Variants in TTC13 observed in about 807,000 individuals in gnomAD.
The protein encoded by TTC13 is tetratricopeptide repeat protein 13.
TTC13 carries 62 observed loss-of-function variants against 120.0 expected under a neutral mutation model. The ratio of observed to expected loss-of-function variants is 0.52; its 90% CI spans 0.42 to 0.64. TTC13 has a LOEUF of 0.64. Ranked by LOEUF, TTC13 falls within the 30% of genes least tolerant of loss-of-function variation. TTC13 has a pLI of 0.00. For synonymous variants in TTC13, 384 were observed against 393.5 expected, an observed-to-expected ratio of 0.98 and a Z score of 0.28; for missense variants, 824 against 1,050.2, an observed-to-expected ratio of 0.78 and a Z score of 2.98.
In TTC13 at chr1:230,978,638, G is replaced by C. The variant is rs1678636051; in HGVS notation, c.193C>G (p.Gln65Glu). The change falls in exon 1 of 23, where the codon CAG becomes GAG. Residue 65 changes from glutamine to glutamate, a missense_variant. Gln to Glu is a conservative substitution (Grantham distance 29). Transcript: ENST00000366661. This position sits in a 1 kb window ranked among gnomAD's most constrained non-coding sequence, Gnocchi z 5.6. Reference protein sequence around the residue: ...LKQELQHRQQQEAPAGGGGCS... With the variant: ...LKQELQHRQQEEAPAGGGGCS... ...CCGCCGCCGCCCGCCGGGGCCTCCT[G>C]CTGCTGCCGGTGCTGCAGCTCCTGC... The C allele has an allele frequency of 1.4e-6, 2 of 1,473,100 alleles. No homozygotes were observed. The highest frequency in any genetic ancestry group is 1.8e-6 in the Non-Finnish European group (2 of 1,119,378). The allele number at this position is 1,473,100 out of a possible 1,614,324, so 91.3% of individuals were successfully genotyped here.
In TTC13 at chr1:230,958,305, A is replaced by G. The variant is rs779048242; in HGVS notation, c.367-6T>C. 125 of 166,224 alleles carry G rather than the reference A, an allele frequency of 7.5e-4. No homozygotes were observed. Among genetic ancestry groups the G allele is most frequent in the Middle Eastern group, 3.2e-3 (1 of 308 alleles). 10.3% of individuals were successfully genotyped at this position (166,224 alleles called of 1,614,324 possible). A position where few individuals can be genotyped will look rare whatever the true frequency, so the allele number is the denominator to read the frequency against. ...GCAATAGACTTGGCCTGGCTCTGGG[A>G]AAAAAAAAAAAAAAACCCATACATT... On this transcript the variant is annotated splice_region_variant and splice_polypyrimidine_tract_variant and intron_variant, in intron 2 of 22. Coordinates refer to ENST00000366661, the MANE Select transcript of TTC13 (RefSeq NM_024525.5).
At chr1:230,910,028 TC>T (rs1671347451) in intron 20 of TTC13, among the ~76,000 whole-genome samples, 2 of 152,154 alleles carry the variant, frequency 1.3e-5, no homozygotes. Context: ...GTTGTGCTTT[TC>T]CCAAAACAAA....
chr1:230,908,593 T>C, intron 22 of TTC13, 119 bp downstream of exon 22: 2 of 736,128 alleles, frequency 2.7e-6, no homozygotes, highest in African/African-American at 1.8e-5. Context: ...TTGTATTACA[T>C]ATTAACTTAT....
chr1:230,931,377 T>C lies in TTC13; in HGVS notation c.1221A>G (p.Ala407=), dbSNP rs774684778. ...GATCATTCAGCATAACTTTTGTTTG[T>C]GCTTTTATCCCTTCATAAAACTGTC... is the stretch of plus-strand genomic sequence containing the variant. ...AMGQFYEGIK[A]QTKVMLNDPL... Residue 407 remains alanine (A), a synonymous_variant, in exon 11 of 23, where the codon GCA becomes GCG. Coordinates refer to ENST00000366661, the MANE Select transcript of TTC13 (RefSeq NM_024525.5). 6.2e-7 allele frequency: 1 copy of C among 1,614,240 alleles called. No homozygotes were observed. The highest frequency in any genetic ancestry group is 1.7e-5 in the Admixed American group (1 of 60,032).
intron 4 of TTC13, among the ~76,000 whole-genome samples, chr1:230,946,751 C>T (rs1675039643): frequency 6.6e-6 from 1 of 152,174 alleles, no homozygotes; most frequent in Non-Finnish European, 1.5e-5. Flanking sequence ...AGGGCCTACC[C>T]ATCACAGCCA....
intron 9 of TTC13, among the ~76,000 whole-genome samples, chr1:230,932,613 C>T (rs1673656132): frequency 6.6e-6 from 1 of 152,164 alleles, no homozygotes; most frequent in Non-Finnish European, 1.5e-5. Context: ...TCATACAGCA[C>T]TTTACAAGGT....
rs1392281895 is a variant in TTC13 at position 230,940,955 on chromosome 1, C to T, written c.673-399G>A. Among the ~76,000 whole-genome samples the T allele has an allele frequency of 6.6e-6, 1 of 152,184 alleles. No individual in the cohort carries two copies. The highest frequency in any genetic ancestry group is 1.5e-5 in the Non-Finnish European group (1 of 68,046). ...CCATTAAAATAGACAAATTATCGGACACAGATTAGAGTCTTCCATGGTCTT... is the reference window on the plus strand; with the variant it reads ...CCATTAAAATAGACAAATTATCGGATACAGATTAGAGTCTTCCATGGTCTT... On this transcript the variant is annotated intron_variant, in intron 6 of 22. Transcript: ENST00000366661. This position sits in a 1 kb window ranked among gnomAD's most constrained non-coding sequence, Gnocchi z 4.1.
At chr1:230,928,201 T>C (rs1490287296) in intron 12 of TTC13, among the ~76,000 whole-genome samples, 4 of 152,318 alleles carry the variant, frequency 2.6e-5, no homozygotes, top group East Asian at 1.9e-4. Flanking sequence ...TTTTATTAAA[T>C]ATATAATTAA....
At position 230,911,578 on chromosome 1, in the gene TTC13, T is replaced by C. The variant is rs375683858; in HGVS notation, c.2230-29A>G. The C allele has an allele frequency of 1.4e-5, 20 of 1,424,620 alleles. No homozygotes were observed. The African/African-American group carries it at 2.0e-4, about 14-fold the overall frequency. The allele number at this position is 1,424,620 out of a possible 1,614,324, so 88.2% of individuals were successfully genotyped here. A position where few individuals can be genotyped will look rare whatever the true frequency, so the allele number is the denominator to read the frequency against. On this transcript the variant is annotated intron_variant, in intron 19 of 22. Coordinates refer to ENST00000366661, the MANE Select transcript of TTC13 (RefSeq NM_024525.5). Reference sequence around the variant, plus strand: ...GAAAAAAAAGATACAGACTCATAAATACTATAAAGATTACAAACTAATTTT... The same window carrying C: ...GAAAAAAAAGATACAGACTCATAAACACTATAAAGATTACAAACTAATTTT...
intron 1 of TTC13, among the ~76,000 whole-genome samples, chr1:230,969,587 T>A (rs1677512342): frequency 6.6e-6 from 1 of 152,248 alleles, no homozygotes; most frequent in Non-Finnish European, 1.5e-5. Context: ...AGGTCTTATA[T>A]TTAATTCTAG....
At position 230,963,678 on chromosome 1, in the gene TTC13, A is replaced by G. The variant is rs887691201; in HGVS notation, c.272-2375T>C. Among the ~76,000 whole-genome samples, 17 of 151,452 alleles carry G rather than the reference A, an allele frequency of 1.1e-4. No individual in the cohort carries two copies. The East Asian group carries it at 3.1e-3, about 28-fold the overall frequency. On this transcript the variant is annotated intron_variant, in intron 1 of 22. Transcript: ENST00000366661. ...AATAAATAAATAAATAAATAAAAGAAAAAAGAATGGATGGATTTAGACTGG... is the reference window on the plus strand; with the variant it reads ...AATAAATAAATAAATAAATAAAAGAGAAAAGAATGGATGGATTTAGACTGG...
chr1:230,928,398 T>C (rs1673235093), intron 12 of TTC13, among the ~76,000 whole-genome samples: 1 of 152,224 alleles, frequency 6.6e-6, no homozygotes, highest in South Asian at 2.1e-4. Flanking sequence ...TTTTTGTTGC[T>C]TATATATAGA....
chr1:230,970,582 A>C (rs967517790), intron 1 of TTC13, among the ~76,000 whole-genome samples: 2 of 152,226 alleles, frequency 1.3e-5, no homozygotes, highest in Non-Finnish European at 2.9e-5. Flanking sequence ...GCAGGCCAGT[A>C]GCTGGGGTGG....
intron 2 of TTC13, among the ~76,000 whole-genome samples, chr1:230,959,535 C>A (rs1010219576): frequency 6.6e-6 from 1 of 152,206 alleles, no homozygotes; most frequent in African/African-American, 2.4e-5. Flanking sequence ...GCATGCGCCA[C>A]CACCCCTGCT....
In TTC13 at chr1:230,944,400, A is replaced by G. The variant is rs970976070; in HGVS notation, c.580-502T>C. Among the ~76,000 whole-genome samples the G allele has an allele frequency of 6.6e-6, 1 of 152,216 alleles. No homozygotes were observed. Among genetic ancestry groups the G allele is most frequent in the Admixed American group, 6.5e-5 (1 of 15,278 alleles). On this transcript the variant is annotated intron_variant, in intron 5 of 22. Transcript: ENST00000366661. This position sits in a 1 kb window ranked among gnomAD's most constrained non-coding sequence, Gnocchi z 4.0. ...ATGTGCAACTTTTTATTAAATATACATGCAAATTTAATCTCAAGATATATA... is the reference window on the plus strand; with the variant it reads ...ATGTGCAACTTTTTATTAAATATACGTGCAAATTTAATCTCAAGATATATA...
intron 4 of TTC13, among the ~76,000 whole-genome samples, chr1:230,946,757 A>G (rs1675040186): frequency 6.6e-6 from 1 of 152,180 alleles, no homozygotes; most frequent in Non-Finnish European, 1.5e-5. Flanking sequence ...TACCCATCAC[A>G]GCCACACTGC....
At chr1:230,970,232 A>G (rs1677590413) in intron 1 of TTC13, among the ~76,000 whole-genome samples, 1 of 152,164 alleles carries the variant, frequency 6.6e-6, no homozygotes. Context: ...CTCACACACA[A>G]CTGACCTTAA....
rs531839245 is a variant in TTC13, at chr1:230,918,798, A to G, written c.1983+1712T>C. ...TGCTCAGCTCTGTTCATGACATGCT[A>G]CTTCCTTGCTATTCCTTAGAAATAG... is the stretch of plus-strand genomic sequence containing the variant. On this transcript the variant is annotated intron_variant, in intron 17 of 22. Transcript: ENST00000366661. Among the ~76,000 whole-genome samples, 56 of 152,310 alleles carry G rather than the reference A, an allele frequency of 3.7e-4. No homozygotes were observed. In the South Asian group the frequency reaches 6.8e-3, roughly 19 times the overall value.
chr1:230,957,780 T>C (rs1676236790), intron 3 of TTC13, among the ~76,000 whole-genome samples: 1 of 151,916 alleles, frequency 6.6e-6, no homozygotes, highest in Non-Finnish European at 1.5e-5. Flanking sequence ...TCAATTTTTC[T>C]ACACCCACAT....
Sources: gnomAD v4.1 joint callset for allele counts (sites outside exome capture counted in the v4.1 genomes callset) on GRCh38, gnomAD v4.1.1 for gene constraint, Gnocchi (gnomAD v3.1) non-coding constraint, MANE v1.5 for transcripts, NCBI Gene and HGNC (gene_info 2026-07-23, HGNC 2026-07-21) for gene names.